SPRED3: variants seen among roughly 807,000 people sequenced by gnomAD.
The protein encoded by SPRED3 is sprouty related EVH1 domain containing 3, also known as sprouty-related, EVH1 domain-containing protein 3.
SPRED3 carries 23 observed loss-of-function variants against 37.6 expected under a neutral mutation model. That is an observed-to-expected ratio of 0.61 (90% confidence interval 0.44 to 0.87). The LOEUF (loss-of-function observed/expected upper bound fraction) is 0.87. Ranked by LOEUF, SPRED3 falls within the 40% of genes least tolerant of loss-of-function variation. The pLI is 0.00. For synonymous variants in SPRED3, 302 were observed against 279.6 expected (o/e 1.08, Z -0.80); for missense variants, 584 against 618.6 (o/e 0.94, Z 0.59).
rs2145161902 is a variant in SPRED3, at chr19:38,396,095, C to T, written c.1183C>T (p.Arg395Ter). 2.3e-6 allele frequency: 3 copies of T among 1,313,166 alleles called. No individual in the cohort carries two copies. The highest frequency in any genetic ancestry group is 2.8e-4 in the Middle Eastern group (1 of 3,526). 81.3% of individuals were successfully genotyped at this position (1,313,166 alleles called of 1,614,324 possible). A position where few individuals can be genotyped will look rare whatever the true frequency, so the allele number is the denominator to read the frequency against. The change falls in exon 6 of 6, where the codon CGA (arginine) becomes TGA (stop). Residue 395 changes from arginine (R) to a stop codon, truncating the protein, a stop_gained. Transcript: ENST00000691638. LOFTEE classifies it high-confidence loss of function. ...GCGCGCGTGCCACTGGGTCGCAGCG[C>T]GATGCGGCTGCGCCGGCTGCGGGGG... ...PLRACHWVAA[R>*]CGCAGCGGRH...
At position 38,392,124 on chromosome 19, in the gene SPRED3, C is replaced by G; in HGVS notation, c.346+10C>G. 1 of 1,614,008 alleles carries G rather than the reference C, an allele frequency of 6.2e-7. No individual in the cohort carries two copies. Among genetic ancestry groups the G allele is most frequent in the East Asian group, 2.2e-5 (1 of 44,878 alleles). On this transcript the variant is annotated intron_variant, in intron 3 of 5. Transcript: ENST00000691638. Reference sequence around the variant, plus strand: ...GCCGCACTGGGTCGAGGTGAGCAGCCCAGGTGATGTGCACTGTGGGCTGGC... The same window carrying G: ...GCCGCACTGGGTCGAGGTGAGCAGCGCAGGTGATGTGCACTGTGGGCTGGC...
In SPRED3 at chr19:38,395,693, C is replaced by A; in HGVS notation, c.781C>A (p.Pro261Thr). The A allele has an allele frequency of 7.4e-6, 11 of 1,480,484 alleles. No individual in the cohort carries two copies. Among genetic ancestry groups the A allele is most frequent in the Non-Finnish European group, 9.8e-6 (11 of 1,127,232 alleles). The allele number at this position is 1,480,484 out of a possible 1,614,324, so 91.7% of individuals were successfully genotyped here. Reference protein sequence around the residue: ...ALGPPAALPAPLTEAAPPAPP... With the variant: ...ALGPPAALPATLTEAAPPAPP... ...GGGTCCCCCAGCGGCACTACCTGCC[C>A]CTTTGACCGAGGCTGCGCCCCCAGC... Residue 261 changes from proline (P) to threonine (T), a missense_variant, in exon 6 of 6, where the codon CCT becomes ACT. By Grantham distance (38) the Pro-to-Thr change is conservative. Around this residue, in one of 7 missense-constraint regions of SPRED3, gnomAD observed 310 missense variants for 281.1 expected, o/e 1.10. Transcript: ENST00000691638. The surrounding 1 kb of genome is among the most constrained non-coding windows in gnomAD (Gnocchi z 5.2).
In SPRED3 at chr19:38,395,888, G is replaced by T; in HGVS notation, c.976G>T (p.Val326Leu). ...AEAPDPGRLL[V>L]RRLSCLWCAE... ...GGCCCCGGACCCGGGTCGCCTCCTG[G>T]TGCGCCGTCTAAGCTGCCTGTGGTG... Residue 326 changes from valine (V) to leucine (L), a missense_variant, in exon 6 of 6, where the codon GTG becomes TTG. Val to Leu is a conservative substitution (Grantham distance 32, BLOSUM62 1). This residue lies in a region of SPRED3 where 67 missense variants were observed against 57.4 expected (regional missense o/e 1.17). Transcript: ENST00000691638. This position sits in a 1 kb window ranked among gnomAD's most constrained non-coding sequence, Gnocchi z 5.2. The T allele has an allele frequency of 6.7e-7, 1 of 1,501,946 alleles. No homozygotes were observed. Among genetic ancestry groups the T allele is most frequent in the Non-Finnish European group, 8.8e-7 (1 of 1,134,008 alleles). 93.0% of individuals were successfully genotyped at this position (1,501,946 alleles called of 1,614,324 possible). A position where few individuals can be genotyped will look rare whatever the true frequency, so the allele number is the denominator to read the frequency against.
At chr19:38,394,606 G>T in intron 4 of SPRED3, 37 bp from the exon 5 acceptor site, 1 of 1,569,490 alleles carries the variant, frequency 6.4e-7, no homozygotes, top group East Asian at 2.3e-5. Context: ...GCTGTGCGGG[G>T]GCGTGTCCCC....
Position 38,395,230 on chromosome 19 carries a change from G to T in SPRED3, c.568-250G>T, listed in dbSNP as rs1190762409. On this transcript the variant is annotated intron_variant, in intron 5 of 5. Transcript: ENST00000691638. The surrounding 1 kb of genome is among the most constrained non-coding windows in gnomAD (Gnocchi z 5.2). Reference sequence around the variant, plus strand: ...GATCTCAAGGTAGAGGGGGCTGGGAGCTGGGGCTCTTGGATCTTAAGAGAG... The same window carrying T: ...GATCTCAAGGTAGAGGGGGCTGGGATCTGGGGCTCTTGGATCTTAAGAGAG... Among the ~76,000 whole-genome samples, 1 of 152,050 alleles carries T rather than the reference G, an allele frequency of 6.6e-6. No homozygotes were observed. Among genetic ancestry groups the T allele is most frequent in the Admixed American group, 6.5e-5 (1 of 15,270 alleles).
In SPRED3 at chr19:38,394,733, G is replaced by T. The variant is rs764985026; in HGVS notation, c.514G>T (p.Ala172Ser). The T allele has an allele frequency of 6.3e-7, 1 of 1,588,694 alleles. No individual in the cohort carries two copies. The highest frequency in any genetic ancestry group is 2.3e-5 in the East Asian group (1 of 44,130). ...GGCCCCCATCATCACGATGGAGTCA[G>T]CTTCAGGCTTCGGGCCGACCACGCC... ...AAAPIITMES[A>S]SGFGPTTPPQ... Residue 172 changes from alanine (A) to serine (S), a missense_variant, in exon 5 of 6, where the codon GCT (alanine) becomes TCT (serine). Transcript: ENST00000691638.
chr19:38,391,877 G>A, intron 2 of SPRED3, 69 bp from the exon 3 acceptor site: 1 of 1,574,548 alleles, frequency 6.4e-7, no homozygotes, highest in African/African-American at 1.3e-5. Context: ...ATGGGGGCTG[G>A]TGATGGACGA....
chr19:38,396,066 C>G lies in SPRED3; in HGVS notation c.1154C>G (p.Pro385Arg). The change falls in exon 6 of 6, where the codon CCC (proline) becomes CGC (arginine). Residue 385 changes from proline (P) to arginine (R), a missense_variant. Around this residue, in one of 7 missense-constraint regions of SPRED3, gnomAD observed 85 missense variants for 117.8 expected, o/e 0.72. Coordinates refer to ENST00000691638, the MANE Select transcript of SPRED3 (RefSeq NM_001394336.1). The part of the protein sequence containing the change: ...LAVPCLCCYA[P>R]LRACHWVAAR... ...GTGCCCTGCCTCTGCTGCTACGCGC[C>G]CCTGCGCGCGTGCCACTGGGTCGCA... 1 of 1,349,376 alleles carries G rather than the reference C, an allele frequency of 7.4e-7. No individual in the cohort carries two copies. The highest frequency in any genetic ancestry group is 9.5e-7 in the Non-Finnish European group (1 of 1,055,924). 83.6% of individuals were successfully genotyped at this position (1,349,376 alleles called of 1,614,324 possible).
In SPRED3 at chr19:38,392,023, T is replaced by C. The variant is rs1043662573; in HGVS notation, c.255T>C (p.Gly85=). The change falls in exon 3 of 6, where the codon GGT becomes GGC. Residue 85 remains glycine (G), a synonymous_variant. Coordinates refer to ENST00000691638, the MANE Select transcript of SPRED3 (RefSeq NM_001394336.1). ...VNPIFHHWSL[G]DCKFGLTFQS... ...CCATCTTTCACCACTGGAGCCTGGG[T>C]GACTGCAAGTTTGGACTGACGTTTC... 15 of 1,614,074 alleles carry C rather than the reference T, an allele frequency of 9.3e-6. 1 individual carries two copies. Among genetic ancestry groups the C allele is most frequent in the African/African-American group, 2.7e-5 (2 of 74,918 alleles).
chr19:38,395,870 G>C lies in SPRED3; in HGVS notation c.958G>C (p.Asp320His). 1 of 1,493,966 alleles carries C rather than the reference G, an allele frequency of 6.7e-7. No homozygotes were observed. The highest frequency in any genetic ancestry group is 8.9e-7 in the Non-Finnish European group (1 of 1,129,754). 92.5% of individuals were successfully genotyped at this position (1,493,966 alleles called of 1,614,324 possible). Residue 320 changes from aspartate (D) to histidine (H), a missense_variant, in exon 6 of 6, where the codon GAC (aspartate) becomes CAC (histidine). Coordinates refer to ENST00000691638, the MANE Select transcript of SPRED3 (RefSeq NM_001394336.1). This position sits in a 1 kb window ranked among gnomAD's most constrained non-coding sequence, Gnocchi z 5.2. ...TGGCGGCCGCTGCGCAGAGGCCCCG[G>C]ACCCGGGTCGCCTCCTGGTGCGCCG... ...GRGGRCAEAPDPGRLLVRRLS... is the reference protein window; with the variant it reads ...GRGGRCAEAPHPGRLLVRRLS...
rs555089565 is a variant in SPRED3, at chr19:38,389,530, GC to G, written c.-5+730del. 461 of 152,280 alleles carry G rather than the reference GC, an allele frequency of 3.0e-3. 2 individuals carry two copies. Among genetic ancestry groups the G allele is most frequent in the African/African-American group, 0.011 (435 of 41,392 alleles). 9.4% of individuals were successfully genotyped at this position (152,280 alleles called of 1,614,324 possible). On this transcript the variant is annotated intron_variant, in intron 1 of 5. Coordinates refer to ENST00000691638, the MANE Select transcript of SPRED3 (RefSeq NM_001394336.1). ...GGGAAGAGGGAGGAAGGATCAATCT[GC>G]CCCCCCATCCCATCTTTCCCCCCTG...
intron 1 of SPRED3, chr19:38,389,477 G>A (rs1970796019): frequency 6.9e-6 from 1 of 145,198 alleles, no homozygotes; most frequent in Admixed American, 6.8e-5. Flanking sequence ...AAATGGTTCT[G>A]AAGGATGCTG....
chr19:38,389,082 G>A (rs936431219), intron 1 of SPRED3, among the ~76,000 whole-genome samples: 9 of 152,222 alleles, frequency 5.9e-5, no homozygotes, highest in Non-Finnish European at 1.3e-4. Context: ...TCCCCCCGGG[G>A]GACACAGGAT....
Position 38,394,709 on chromosome 19 carries a change from GC to G in SPRED3, c.495del (p.Ile166SerfsTer82). On this transcript the variant is annotated frameshift_variant, in exon 5 of 6. Coordinates refer to ENST00000691638, the MANE Select transcript of SPRED3 (RefSeq NM_001394336.1). LOFTEE classifies it high-confidence loss of function. ...GGAGACTCCTCCCAGCGCCGCTGCG[GC>G]CCCCATCATCACGATGGAGTCAGCT... ...RQETPPSAAA[A>X]PIITMESASG... 6.3e-7 allele frequency: 1 copy of G among 1,594,296 alleles called. No individual in the cohort carries two copies.
At position 38,396,393 on chromosome 19, in the gene SPRED3, C is replaced by G. The variant is rs888552564; in HGVS notation, c.*248C>G. 3.2e-6 allele frequency: 1 copy of G among 314,232 alleles called. No homozygotes were observed. Among genetic ancestry groups the G allele is most frequent in the Non-Finnish European group, 5.8e-6 (1 of 173,486 alleles). 19.5% of individuals were successfully genotyped at this position (314,232 alleles called of 1,614,324 possible). On this transcript the variant is annotated 3_prime_UTR_variant, in exon 6 of 6. Coordinates refer to ENST00000691638, the MANE Select transcript of SPRED3 (RefSeq NM_001394336.1). ...CTGAGTTCTGGCGTTCCCCCACCCC[C>G]ACACCCCACGAGGAGGCTCCAGGCG...
chr19:38,395,389 T>A lies in SPRED3; in HGVS notation c.568-91T>A, dbSNP rs1970881855. ...GAAGCAAGCTGGGGTCTTGAAAATC[T>A]GAATCCCAGACCCAAGAGTGCGCTA... On this transcript the variant is annotated intron_variant, in intron 5 of 5. Coordinates refer to ENST00000691638, the MANE Select transcript of SPRED3 (RefSeq NM_001394336.1). The surrounding 1 kb of genome is among the most constrained non-coding windows in gnomAD (Gnocchi z 5.2). The A allele has an allele frequency of 2.4e-6, 3 of 1,254,448 alleles. No individual in the cohort carries two copies. Among genetic ancestry groups the A allele is most frequent in the Admixed American group, 4.0e-5 (1 of 25,290 alleles). The allele number at this position is 1,254,448 out of a possible 1,614,324, so 77.7% of individuals were successfully genotyped here. A position where few individuals can be genotyped will look rare whatever the true frequency, so the allele number is the denominator to read the frequency against.
Position 38,395,545 on chromosome 19 carries a change from G to T in SPRED3, c.633G>T (p.Gly211=). Residue 211 remains glycine (G), a synonymous_variant, in exon 6 of 6, where the codon GGG becomes GGT. Transcript: ENST00000691638. This position sits in a 1 kb window ranked among gnomAD's most constrained non-coding sequence, Gnocchi z 5.2. ...PEPSEPLAGA[G]GLGWGGRGYE... ...CCTCAGAGCCCCTGGCAGGGGCAGG[G>T]GGCCTGGGGTGGGGCGGCCGCGGCT... 6.4e-7 allele frequency: 1 copy of T among 1,550,738 alleles called. No individual in the cohort carries two copies.
chr19:38,392,526 T>A, intron 4 of SPRED3: 1 of 436,424 alleles, frequency 2.3e-6, no homozygotes, highest in Non-Finnish European at 3.9e-6. Context: ...GGCAGTGCTT[T>A]AGGCACTGGG....
rs745782404 is a variant in SPRED3, at chr19:38,395,497, A to G, written c.585A>G (p.Leu195=). The G allele has an allele frequency of 4.0e-6, 6 of 1,508,782 alleles. No homozygotes were observed. The highest frequency in any genetic ancestry group is 4.4e-6 in the Non-Finnish European group (5 of 1,132,876). 93.5% of individuals were successfully genotyped at this position (1,508,782 alleles called of 1,614,324 possible). A position where few individuals can be genotyped will look rare whatever the true frequency, so the allele number is the denominator to read the frequency against. The change falls in exon 6 of 6, where the codon CTA becomes CTG. Residue 195 remains leucine, a synonymous_variant. Transcript: ENST00000691638. This position sits in a 1 kb window ranked among gnomAD's most constrained non-coding sequence, Gnocchi z 5.2. The stretch of plus-strand genomic sequence containing the variant: ...TTCCGCAGAGCTACCCTCCGCTTCT[A>G]CCGTTCACGGGGATTCCGGAACCCT... ...RSSAQSYPPL[L]PFTGIPEPSE...
Sources: gnomAD v4.1 joint callset for allele counts (sites outside exome capture counted in the v4.1 genomes callset) on GRCh38, gnomAD v4.1.1 for gene constraint, gnomAD v4.1.1 regional missense constraint, Gnocchi (gnomAD v3.1) non-coding constraint, MANE v1.5 for transcripts, NCBI Gene and HGNC (gene_info 2026-07-23, HGNC 2026-07-21) for gene names.